Variants in CALD1 observed in about 807,000 individuals in gnomAD.
CALD1 encodes the protein caldesmon 1, also known as caldesmon.
In CALD1, 33 loss-of-function variants were observed where a neutral mutation model predicts 99.9. The ratio of observed to expected loss-of-function variants is 0.33; its 90% CI spans 0.25 to 0.44. The LOEUF (loss-of-function observed/expected upper bound fraction) is 0.44. Ranked by LOEUF, CALD1 falls within the 20% of genes least tolerant of loss-of-function variation. The pLI, the probability that CALD1 is intolerant of heterozygous loss-of-function variation, is 1.00. For missense variants in CALD1, 861 were observed against 962.1 expected, an observed-to-expected ratio of 0.89 and a Z score of 1.39; for synonymous variants, 310 against 325.0, an observed-to-expected ratio of 0.95 and a Z score of 0.50.
At position 134,950,623 on chromosome 7, in the gene CALD1, T is replaced by G. The variant is rs116179148; in HGVS notation, c.1935+109T>G. On this transcript the variant is annotated intron_variant, in intron 9 of 14. Coordinates refer to ENST00000361675, the MANE Select transcript of CALD1 (RefSeq NM_033138.4). ...CCTTTGTTCATTTATCTTTTTGCTA[T>G]CCTTCCAAGTTAATCTGTTCAGGCT... The G allele has an allele frequency of 2.8e-3, 2,557 of 909,592 alleles. 48 individuals are homozygous for G. In the African/African-American group the frequency reaches 0.039, roughly 14 times the overall value. The allele number at this position is 909,592 out of a possible 1,614,324, so 56.3% of individuals were successfully genotyped here.
intron 7 of CALD1, 32 bp from the exon 8 acceptor site, chr7:134,947,476 G>A (rs1258298704): frequency 1.3e-6 from 2 of 1,556,894 alleles, no homozygotes; most frequent in Non-Finnish European, 8.7e-7. Flanking sequence ...GCAAAAGCAT[G>A]TAAACCCCTT....
chr7:134,845,177 T>G (rs548296165), intron 2 of CALD1, among the ~76,000 whole-genome samples: 4 of 152,290 alleles, frequency 2.6e-5, no homozygotes, highest in African/African-American at 9.6e-5. Context: ...AGCTCTCATT[T>G]CCCTATGACA....
Position 134,965,345 on chromosome 7 carries a change from T to G in CALD1, c.2335T>G (p.Trp779Gly). The change falls in exon 14 of 15, where the codon TGG (tryptophan) becomes GGG (glycine). Residue 779 changes from tryptophan to glycine, a missense_variant. Physicochemically the swap from Trp to Gly is radical, Grantham distance 184 (BLOSUM62 -2). Coordinates refer to ENST00000361675, the MANE Select transcript of CALD1 (RefSeq NM_033138.4). ...PGDVSSKRNL[W>G]EKQSVDKVTS... The stretch of plus-strand genomic sequence containing the variant: ...AGACGTATCCAGCAAGCGGAACCTC[T>G]GGGAAAAGCAATCTGTGGATAAGGT... 6.3e-7 allele frequency: 1 copy of G among 1,595,898 alleles called. No homozygotes were observed. The highest frequency in any genetic ancestry group is 8.6e-7 in the Non-Finnish European group (1 of 1,163,410).
chr7:134,711,727 T>TCC, the CALD1 span, among the ~76,000 whole-genome samples: 13 of 87,282 alleles, frequency 1.5e-4, no homozygotes, highest in African/African-American at 5.9e-4. Context: ...TGTGTGTGTG[T>TCC]CTCTCTCTCT....
intron 2 of CALD1, among the ~76,000 whole-genome samples, chr7:134,853,758 G>A (rs918155254): frequency 6.6e-6 from 1 of 151,778 alleles, no homozygotes; most frequent in South Asian, 2.1e-4. Context: ...TGTGCAGAAC[G>A]TGCAGCTTGT....
At chr7:134,839,437 T>C (rs1163584711) in intron 1 of CALD1, among the ~76,000 whole-genome samples, 1 of 152,194 alleles carries the variant, frequency 6.6e-6, no homozygotes, top group Non-Finnish European at 1.5e-5. Context: ...GTAAGTAAGA[T>C]TTCTGGGTCA....
chr7:134,968,335 G>A lies in CALD1; in HGVS notation c.2377-5G>A, dbSNP rs368332714. On this transcript the variant is annotated splice_region_variant and splice_polypyrimidine_tract_variant and intron_variant, in intron 14 of 14. Coordinates refer to ENST00000361675, the MANE Select transcript of CALD1 (RefSeq NM_033138.4). Reference sequence around the variant, plus strand: ...TGTCAATTTCAAGTTCTCTTCTCTTGGCAGGTTTGAGACAGTTCCAGAAAG... The same window carrying A: ...TGTCAATTTCAAGTTCTCTTCTCTTAGCAGGTTTGAGACAGTTCCAGAAAG... The A allele has an allele frequency of 1.1e-4, 184 of 1,613,618 alleles. No homozygotes were observed. The highest frequency in any genetic ancestry group is 1.5e-4 in the Non-Finnish European group (177 of 1,179,766).
At chr7:134,881,549 G>T (rs780264997) in intron 3 of CALD1, among the ~76,000 whole-genome samples, 11 of 152,156 alleles carry the variant, frequency 7.2e-5, no homozygotes, top group Non-Finnish European at 1.3e-4. Flanking sequence ...TAATGCGCAT[G>T]ACGTACGTTT....
chr7:134,837,035 T>G (rs541058241), intron 1 of CALD1, among the ~76,000 whole-genome samples: 4 of 147,120 alleles, frequency 2.7e-5, no homozygotes, highest in South Asian at 4.2e-4. Context: ...TAAGATCTGT[T>G]TTTTTTTTTC....
Position 134,933,899 on chromosome 7 carries a change from A to G in CALD1, c.1130A>G (p.Glu377Gly). The change falls in exon 5 of 15, where the codon GAG (glutamate) becomes GGG (glycine). Residue 377 changes from glutamate to glycine, a missense_variant. Around this residue, in one of 5 missense-constraint regions of CALD1, gnomAD observed 293 missense variants for 262.7 expected, o/e 1.12. Coordinates refer to ENST00000361675, the MANE Select transcript of CALD1 (RefSeq NM_033138.4). ...GAGAGGCAAAGGGCCAGGGCAGAGG[A>G]GGAAGAGAAGGCTAAGGTAGAAGAG... is the stretch of plus-strand genomic sequence containing the variant. ...AEERQRARAE[E>G]EEKAKVEEQK... 1 of 1,613,940 alleles carries G rather than the reference A, an allele frequency of 6.2e-7. No individual in the cohort carries two copies. The highest frequency in any genetic ancestry group is 8.5e-7 in the Non-Finnish European group (1 of 1,179,870).
intron 2 of CALD1, among the ~76,000 whole-genome samples, chr7:134,850,844 C>A (rs1168566287): frequency 6.6e-6 from 1 of 152,158 alleles, no homozygotes; most frequent in African/African-American, 2.4e-5. Flanking sequence ...GTAATTGAAT[C>A]TTGGGAGTGG....
intron 2 of CALD1, chr7:134,844,265 T>C (rs1164504336): frequency 6.6e-6 from 1 of 152,326 alleles, no homozygotes; most frequent in Admixed American, 6.5e-5. Context: ...GGATCAATCA[T>C]GAAGTCTTCA....
intron 3 of CALD1, among the ~76,000 whole-genome samples, chr7:134,911,480 C>A (rs1183488769): frequency 1.3e-5 from 2 of 151,226 alleles, no homozygotes; most frequent in South Asian, 2.1e-4. Context: ...ACTTTAAACA[C>A]CATTTTTGCA....
chr7:134,746,334 A>C (rs1796634496), intron 1 of CALD1, among the ~76,000 whole-genome samples: 1 of 152,236 alleles, frequency 6.6e-6, no homozygotes, highest in South Asian at 2.1e-4. Context: ...GCAGACCTGC[A>C]CCAGACACCA....
At chr7:134,929,621 C>CACACACATATACACACACGT in intron 4 of CALD1, among the ~76,000 whole-genome samples, 1 of 4,248 alleles carries the variant, frequency 2.4e-4, no homozygotes, top group Non-Finnish European at 3.9e-4. Flanking sequence ...TGTATATATA[C>CACACACATATACACACACGT]GTGTGTGTGT....
chr7:134,862,118 G>A (rs1800588366), intron 2 of CALD1, among the ~76,000 whole-genome samples: 2 of 152,158 alleles, frequency 1.3e-5, no homozygotes. Flanking sequence ...TAAACCGAAG[G>A]CATAGGTAAT....
intron 1 of CALD1, among the ~76,000 whole-genome samples, chr7:134,834,070 T>C (rs908068403): frequency 6.6e-6 from 1 of 152,202 alleles, no homozygotes; most frequent in African/African-American, 2.4e-5. Context: ...GTAAATCACA[T>C]GAAACCTCAC....
intron 11 of CALD1, among the ~76,000 whole-genome samples, chr7:134,959,157 TTTTG>T (rs760538962): frequency 4.6e-5 from 7 of 151,772 alleles, no homozygotes; most frequent in Middle Eastern, 3.4e-3. Context: ...CTGTCTTGTT[TTTTG>T]TTTGTTTTTT....
At chr7:134,967,442 TTCTTA>T (rs1427171571) in intron 14 of CALD1, among the ~76,000 whole-genome samples, 1 of 152,150 alleles carries the variant, frequency 6.6e-6, no homozygotes, top group Non-Finnish European at 1.5e-5. Context: ...ACTTTAAGAT[TTCTTA>T]ATAGCTTGGC....
Sources: allele counts gnomAD v4.1 joint callset (sites outside exome capture counted in the v4.1 genomes callset), GRCh38; gene constraint gnomAD v4.1.1; regional missense constraint gnomAD v4.1.1; transcripts MANE v1.5; gene names NCBI Gene and HGNC (gene_info 2026-07-23, HGNC 2026-07-21).